Variants in NINL observed in about 807,000 individuals in gnomAD.
NINL encodes ninein-like protein.
A neutral mutation model predicts 160.3 loss-of-function variants in NINL; 153 were observed. That is an observed-to-expected ratio of 0.95 (90% CI 0.84 to 1.09). The LOEUF (loss-of-function observed/expected upper bound fraction) is 1.09, where lower values mean the gene tolerates loss of function less well. Ranked by LOEUF, NINL falls within the 50% of genes least tolerant of loss-of-function variation. The probability of loss-of-function intolerance (pLI) is 0.00; values close to 1 mark genes in which losing one functional copy is unlikely to be tolerated. For missense variants in NINL, 1,829 were observed against 1,764.0 expected, an observed-to-expected ratio of 1.04 and a Z score of -0.66; for synonymous variants, 800 against 734.8, an observed-to-expected ratio of 1.09 and a Z score of -1.43.
chr20:25,473,830 T>C (rs901861050), intron 17 of NINL, among the ~76,000 whole-genome samples: 1 of 151,890 alleles, frequency 6.6e-6, no homozygotes, highest in African/African-American at 2.4e-5. Flanking sequence ...GTTGTACCAC[T>C]GCACTCCAGT....
intron 2 of NINL, 47 bp downstream of exon 2, chr20:25,526,361 C>A (rs367686534): frequency 3.2e-6 from 5 of 1,545,370 alleles, no homozygotes; most frequent in Non-Finnish European, 4.4e-6. Flanking sequence ...TAAGAGCCAA[C>A]TATAGACCCC....
intron 19 of NINL, 133 bp downstream of exon 19, chr20:25,467,256 G>T: frequency 1.3e-6 from 1 of 790,238 alleles, no homozygotes; most frequent in South Asian, 1.5e-5. Flanking sequence ...GGGGCCTGGG[G>T]GCCAGTCAGC....
At chr20:25,548,044 C>T (rs911316250) in intron 1 of NINL, among the ~76,000 whole-genome samples, 7 of 152,228 alleles carry the variant, frequency 4.6e-5, no homozygotes, top group Admixed American at 3.9e-4. Context: ...AGCTATACTC[C>T]TGGGATCCAC....
At chr20:25,570,305 G>A (rs1286593266) in intron 1 of NINL, among the ~76,000 whole-genome samples, 2 of 152,226 alleles carry the variant, frequency 1.3e-5, no homozygotes, top group African/African-American at 4.8e-5. Context: ...GGGGCCTGGT[G>A]GGAGGCAACT....
intron 1 of NINL, among the ~76,000 whole-genome samples, chr20:25,535,101 CTT>C (rs2064533292): frequency 6.6e-6 from 1 of 152,166 alleles, no homozygotes; most frequent in African/African-American, 2.4e-5. Context: ...GGAGGAAAAT[CTT>C]TTCATTTGCA....
intron 11 of NINL, 136 bp from the exon 12 acceptor site, chr20:25,490,121 G>A: frequency 1.3e-6 from 1 of 791,906 alleles, no homozygotes; most frequent in Non-Finnish European, 2.1e-6. Flanking sequence ...CGAGGCACCT[G>A]GTGCTGTGCA....
chr20:25,453,485 AC>A lies in NINL; in HGVS notation c.4114del (p.Val1372SerfsTer28), dbSNP rs778467531. On this transcript the variant is annotated frameshift_variant, in exon 24 of 24. Coordinates refer to ENST00000278886, the MANE Select transcript of NINL (RefSeq NM_025176.6). LOFTEE classifies it high-confidence loss of function. ...EEKVRALNKLVSRIAPAALSV is the reference protein window; with the variant it reads ...EEKVRALNKLXSRIAPAALSV ...GAGGGCTGCGGGGGCAATCCTACTG[AC>A]GAGTTTGTTGAGAGCGCGAACTTTT... The A allele has an allele frequency of 5.1e-5, 83 of 1,613,140 alleles. No homozygotes were observed. Among genetic ancestry groups the A allele is most frequent in the Non-Finnish European group, 6.7e-5 (79 of 1,179,706 alleles).
chr20:25,487,086 G>A (rs893539291), intron 13 of NINL, among the ~76,000 whole-genome samples: 4 of 152,316 alleles, frequency 2.6e-5, no homozygotes, highest in Middle Eastern at 3.4e-3. Context: ...ACTAAAACCA[G>A]TTGTGCTGTG....
intron 1 of NINL, among the ~76,000 whole-genome samples, chr20:25,574,428 G>A (rs1029641132): frequency 7.2e-5 from 11 of 152,032 alleles, no homozygotes; most frequent in African/African-American, 2.4e-4. Flanking sequence ...TGCAACAGGA[G>A]GAGATGTGAA....
At chr20:25,512,741 T>C in intron 4 of NINL, 93 bp downstream of exon 4, 2 of 1,458,210 alleles carry the variant, frequency 1.4e-6, no homozygotes, top group East Asian at 4.6e-5. Flanking sequence ...GCCCTCCCCA[T>C]ATCTTGTGAT....
chr20:25,499,072 GC>G, intron 8 of NINL: 1 of 985,490 alleles, frequency 1.0e-6, no homozygotes, highest in Non-Finnish European at 1.2e-6. Flanking sequence ...CCGGCGGCAG[GC>G]ACCATGGCAG....
chr20:25,455,006 A>G (rs1450975742), intron 23 of NINL, among the ~76,000 whole-genome samples: 1 of 152,120 alleles, frequency 6.6e-6, no homozygotes, highest in Non-Finnish European at 1.5e-5. Context: ...CACGACAGGC[A>G]CTGCCTACCT....
intron 1 of NINL, among the ~76,000 whole-genome samples, chr20:25,528,669 A>C (rs1250728810): frequency 1.3e-5 from 2 of 152,200 alleles, no homozygotes; most frequent in Non-Finnish European, 2.9e-5. Context: ...AACACAAAAA[A>C]CATTAAAGCC....
intron 21 of NINL, among the ~76,000 whole-genome samples, chr20:25,460,101 T>A (rs1365087970): frequency 6.6e-6 from 1 of 152,050 alleles, no homozygotes; most frequent in African/African-American, 2.4e-5. Context: ...CGAGGCCCCA[T>A]CCCTCTTGTC....
intron 1 of NINL, among the ~76,000 whole-genome samples, chr20:25,550,069 C>T (rs1016432505): frequency 6.6e-6 from 1 of 152,216 alleles, no homozygotes; most frequent in African/African-American, 2.4e-5. Flanking sequence ...AACACTTTGG[C>T]TCACATTACG....
At chr20:25,496,215 C>G (rs1437453780) in intron 10 of NINL, among the ~76,000 whole-genome samples, 3 of 152,206 alleles carry the variant, frequency 2.0e-5, no homozygotes, top group African/African-American at 2.4e-5. Context: ...CTGTTCCACA[C>G]AACTGTCCCC....
intron 4 of NINL, among the ~76,000 whole-genome samples, chr20:25,511,733 C>CA (rs1251286098): frequency 7.9e-5 from 12 of 152,126 alleles, no homozygotes; most frequent in Non-Finnish European, 1.3e-4. Flanking sequence ...TAAAAAAGAA[C>CA]AAAAAAGGAA....
At chr20:25,547,460 G>C (rs2064749440) in intron 1 of NINL, among the ~76,000 whole-genome samples, 1 of 152,164 alleles carries the variant, frequency 6.6e-6, no homozygotes, top group Non-Finnish European at 1.5e-5. Flanking sequence ...CAGATGCACA[G>C]GTCACAACGT....
intron 7 of NINL, 65 bp from the exon 8 acceptor site, chr20:25,501,075 G>T: frequency 6.5e-7 from 1 of 1,544,582 alleles, no homozygotes; most frequent in Non-Finnish European, 8.7e-7. Context: ...TGCTGCTGAT[G>T]TGCTCTCCAC....
Sources: allele counts gnomAD v4.1 joint callset (sites outside exome capture counted in the v4.1 genomes callset), GRCh38; gene constraint gnomAD v4.1.1; transcripts MANE v1.5; gene names NCBI Gene and HGNC (gene_info 2026-07-23, HGNC 2026-07-21).